Variants in UBE3C observed in about 807,000 individuals in gnomAD.
UBE3C encodes the protein ubiquitin-protein ligase E3C.
Under a neutral mutation model 129.4 loss-of-function variants are expected in UBE3C, and 42 were observed. The observed-to-expected ratio is 0.32, with a 90% CI of 0.25 to 0.42. UBE3C has a LOEUF of 0.42. UBE3C is among the 10% of genes least tolerant of loss of function. The pLI is 1.00. For synonymous variants in UBE3C, 510 were observed against 492.4 expected, an observed-to-expected ratio of 1.04 and a Z score of -0.47; for missense variants, 1,049 against 1,319.1, an observed-to-expected ratio of 0.80 and a Z score of 3.17.
At chr7:157,161,018 A>G (rs1464144506) in intron 1 of UBE3C, among the ~76,000 whole-genome samples, 2 of 152,238 alleles carry the variant, frequency 1.3e-5, no homozygotes, top group African/African-American at 4.8e-5. Context: ...AGGACATGAA[A>G]GATGAAGATA....
Position 157,268,378 on chromosome 7 carries a change from CATG to C in UBE3C, c.*627_*629del, listed in dbSNP as rs769012617. On this transcript the variant is annotated 3_prime_UTR_variant, in exon 23 of 23. Transcript: ENST00000348165. ...GTTTTCAGTATACCGTGGCCTGCCT[CATG>C]ATGGTTTGGAGATACTGTCTGTGGA... 3.9e-5 allele frequency: 6 copies of C among 152,690 alleles called. No homozygotes were observed. The highest frequency in any genetic ancestry group is 7.3e-5 in the Non-Finnish European group (5 of 68,058). The allele number at this position is 152,690 out of a possible 1,614,324, so 9.5% of individuals were successfully genotyped here.
intron 10 of UBE3C, chr7:157,198,394 T>A (rs1041557862): frequency 4.3e-6 from 3 of 696,632 alleles, no homozygotes; most frequent in Admixed American, 4.0e-5. Context: ...TTTGGCTGTT[T>A]TCAAGTTTCT....
At chr7:157,149,528 G>A (rs1807700881) in intron 1 of UBE3C, among the ~76,000 whole-genome samples, 1 of 152,140 alleles carries the variant, frequency 6.6e-6, no homozygotes, top group African/African-American at 2.4e-5. Flanking sequence ...TTCATGCACA[G>A]GCGGACCCTG....
chr7:157,261,022 GC>G (rs1413733987), intron 22 of UBE3C, among the ~76,000 whole-genome samples: 1 of 152,066 alleles, frequency 6.6e-6, no homozygotes, highest in Non-Finnish European at 1.5e-5. Flanking sequence ...AAATAGACTG[GC>G]CAGGTGCGGT....
At chr7:157,202,874 A>G (rs1467312779) in intron 11 of UBE3C, among the ~76,000 whole-genome samples, 2 of 152,182 alleles carry the variant, frequency 1.3e-5, no homozygotes, top group Non-Finnish European at 2.9e-5. Flanking sequence ...GCAAGAGTGT[A>G]GAAAGTGGTC....
chr7:157,261,094 G>A (rs928657725), intron 22 of UBE3C, among the ~76,000 whole-genome samples: 1 of 151,914 alleles, frequency 6.6e-6, no homozygotes, highest in East Asian at 1.9e-4. Context: ...CCTGAGGCCA[G>A]GAGTTCAAGA....
At position 157,182,224 on chromosome 7, in the gene UBE3C, C is replaced by T. The variant is rs766351987; in HGVS notation, c.887C>T (p.Pro296Leu). ...ADAQTVFPYE[P>L]FLNALLLIES... ...GCGCAGACCGTTTTCCCTTACGAGC[C>T]CTTTCTGAATGCACTGTTGTTAATA... The change falls in exon 8 of 23, where the codon CCC (proline) becomes CTC (leucine). Residue 296 changes from proline to leucine, a missense_variant. Physicochemically the swap from Pro to Leu is moderately conservative, Grantham distance 98 (BLOSUM62 -3). Transcript: ENST00000348165. The T allele has an allele frequency of 1.2e-6, 2 of 1,614,188 alleles. No homozygotes were observed. The highest frequency in any genetic ancestry group is 1.7e-6 in the Non-Finnish European group (2 of 1,180,032).
chr7:157,139,371 C>G, intron 1 of UBE3C, 33 bp downstream of exon 1: 1 of 1,536,986 alleles, frequency 6.5e-7, no homozygotes, highest in Non-Finnish European at 8.7e-7. Context: ...GCCCTCGGCT[C>G]GGGGCCTGCG....
intron 10 of UBE3C, among the ~76,000 whole-genome samples, chr7:157,193,893 C>T (rs1190858659): frequency 6.6e-6 from 1 of 152,082 alleles, no homozygotes; most frequent in Admixed American, 6.5e-5. Context: ...ACTGTTCATC[C>T]CTCCTGGATG....
intron 1 of UBE3C, among the ~76,000 whole-genome samples, chr7:157,155,021 C>CTTT (rs1807862999): frequency 3.3e-5 from 5 of 152,056 alleles, no homozygotes; most frequent in Admixed American, 2.6e-4. Context: ...TAAAAACTTT[C>CTTT]TTTTGAACTT....
chr7:157,172,094 G>A (rs753892543), intron 4 of UBE3C, among the ~76,000 whole-genome samples: 4 of 150,728 alleles, frequency 2.7e-5, no homozygotes, highest in Non-Finnish European at 5.9e-5. Flanking sequence ...GTGTAGTGGT[G>A]CGATCTCAGC....
At chr7:157,255,027 C>T (rs1796715272) in intron 21 of UBE3C, among the ~76,000 whole-genome samples, 2 of 152,050 alleles carry the variant, frequency 1.3e-5, no homozygotes, top group African/African-American at 4.8e-5. Flanking sequence ...GCAGGAGAAT[C>T]ACTGGAGGTG....
chr7:157,172,724 T>C (rs1164063880), intron 4 of UBE3C, among the ~76,000 whole-genome samples: 1 of 152,168 alleles, frequency 6.6e-6, no homozygotes, highest in Non-Finnish European at 1.5e-5. Flanking sequence ...AGAATCAGAA[T>C]AGTACAACGG....
At chr7:157,229,552 G>T (rs944893811) in intron 17 of UBE3C, among the ~76,000 whole-genome samples, 2 of 152,084 alleles carry the variant, frequency 1.3e-5, no homozygotes, top group African/African-American at 4.8e-5. Context: ...CCTGCCCTCA[G>T]GTGACCCACC....
chr7:157,174,543 C>T (rs1037264477), intron 4 of UBE3C, among the ~76,000 whole-genome samples: 2 of 152,126 alleles, frequency 1.3e-5, no homozygotes, highest in African/African-American at 4.8e-5. Flanking sequence ...ACCCACACCC[C>T]GCAAGTTCAA....
chr7:157,251,264 C>T (rs1201069268), intron 19 of UBE3C, among the ~76,000 whole-genome samples: 1 of 152,154 alleles, frequency 6.6e-6, no homozygotes, highest in Middle Eastern at 3.2e-3. Context: ...AATTAATCAT[C>T]CCTTTTAAAA....
chr7:157,168,341 A>G (rs1268390624), intron 2 of UBE3C, among the ~76,000 whole-genome samples: 1 of 152,066 alleles, frequency 6.6e-6, no homozygotes, highest in African/African-American at 2.4e-5. Flanking sequence ...TCTCAAAAAA[A>G]AAAAAAAAAA....
chr7:157,160,626 T>C (rs1360701901), intron 1 of UBE3C, among the ~76,000 whole-genome samples: 1 of 152,216 alleles, frequency 6.6e-6, no homozygotes, highest in African/African-American at 2.4e-5. Context: ...TCTTAGTTGG[T>C]GTCTGCAAAA....
chr7:157,243,600 C>T (rs1318202482), intron 18 of UBE3C, among the ~76,000 whole-genome samples: 1 of 152,190 alleles, frequency 6.6e-6, no homozygotes. Context: ...CCTCCTGCTG[C>T]TGTTCCTGCA....
Sources: allele counts gnomAD v4.1 joint callset (sites outside exome capture counted in the v4.1 genomes callset), GRCh38; gene constraint gnomAD v4.1.1; transcripts MANE v1.5; gene names NCBI Gene and HGNC (gene_info 2026-07-23, HGNC 2026-07-21).